The following ITGB7 variants were observed in gnomAD, a reference collection of about 807,000 sequenced individuals.
ITGB7 encodes the protein integrin beta-7.
A neutral mutation model predicts 83.4 loss-of-function variants in ITGB7; 55 were observed. The observed-to-expected ratio is 0.66, with a 90% CI of 0.53 to 0.83. The LOEUF is 0.83. ITGB7 is among the 40% of genes least tolerant of loss of function. The pLI is 0.00. For missense variants in ITGB7, 921 were observed against 1,046.7 expected, an observed-to-expected ratio of 0.88 and a Z score of 1.66; for synonymous variants, 454 against 423.6, an observed-to-expected ratio of 1.07 and a Z score of -0.88.
At chr12:53,195,551 C>A in intron 8 of ITGB7, 75 bp downstream of exon 8, 1 of 1,520,338 alleles carries the variant, frequency 6.6e-7, no homozygotes, top group South Asian at 1.1e-5. Flanking sequence ...ATATGGGGGA[C>A]GGAGAATGTA....
chr12:53,191,794 G>A (rs1941955828), intron 15 of ITGB7, 65 bp downstream of exon 15: 1 of 1,599,148 alleles, frequency 6.3e-7, no homozygotes, highest in Non-Finnish European at 8.6e-7. Context: ...CCAGTGGGAG[G>A]AATCAGGGCT....
At position 53,197,659 on chromosome 12, in the gene ITGB7, C is replaced by T; in HGVS notation, c.408G>A (p.Glu136=). Residue 136 remains glutamate, a synonymous_variant, in exon 5 of 16, where the codon GAG becomes GAA. Transcript: ENST00000267082. ...QRVRVTLRPG[E]PQQLQVRFLR... Reference sequence around the variant, plus strand: ...GGAAGCGGACCTGGAGCTGCTGGGGCTCCCCTAGGGGGTGGGCGGCGGGCG... The same window carrying T: ...GGAAGCGGACCTGGAGCTGCTGGGGTTCCCCTAGGGGGTGGGCGGCGGGCG... 1 of 1,613,570 alleles carries T rather than the reference C, an allele frequency of 6.2e-7. No homozygotes were observed. The highest frequency in any genetic ancestry group is 8.5e-7 in the Non-Finnish European group (1 of 1,179,768).
chr12:53,192,072 C>G (rs969585030), intron 14 of ITGB7, 53 bp from the exon 15 acceptor site: 52 of 1,581,236 alleles, frequency 3.3e-5, no homozygotes, highest in Non-Finnish European at 4.5e-5. Context: ...AGGGACAGAT[C>G]ATCAGTTGCT....
At chr12:53,202,834 G>A (rs149523764) in intron 1 of ITGB7, among the ~76,000 whole-genome samples, 69 of 152,136 alleles carry the variant, frequency 4.5e-4, no homozygotes, top group East Asian at 4.5e-3. Flanking sequence ...AGTGGCACAC[G>A]CCACCACTTT....
intron 14 of ITGB7, 86 bp from the exon 15 acceptor site, chr12:53,192,105 A>C (rs1164108389): frequency 6.7e-7 from 1 of 1,485,850 alleles, no homozygotes. Context: ...AGCCTGTCCA[A>C]CCCTGTCTGT....
At chr12:53,198,157 TCTCA>T (rs1319844474) in intron 3 of ITGB7, among the ~76,000 whole-genome samples, 1 of 152,056 alleles carries the variant, frequency 6.6e-6, no homozygotes, top group African/African-American at 2.4e-5. Context: ...TGAGACGGAG[TCTCA>T]CTCTGTCACC....
chr12:53,198,060 C>G (rs1349103737), intron 3 of ITGB7, 109 bp from the exon 4 acceptor site: 4 of 761,122 alleles, frequency 5.3e-6, no homozygotes, highest in Non-Finnish European at 8.3e-6. Flanking sequence ...CACCTCCAGT[C>G]CACTCCTTGA....
intron 1 of ITGB7, among the ~76,000 whole-genome samples, chr12:53,205,085 A>T (rs1942408567): frequency 6.6e-6 from 1 of 152,080 alleles, no homozygotes; most frequent in South Asian, 2.1e-4. Context: ...TCGGCCTCCC[A>T]AAGTGCTGGA....
chr12:53,205,260 C>T (rs1274664801), intron 1 of ITGB7, among the ~76,000 whole-genome samples: 1 of 152,142 alleles, frequency 6.6e-6, no homozygotes, highest in Non-Finnish European at 1.5e-5. Flanking sequence ...TCATGGCTCA[C>T]TGCTGCCTTG....
chr12:53,202,373 G>GT (rs968266899), intron 1 of ITGB7, among the ~76,000 whole-genome samples: 3 of 151,032 alleles, frequency 2.0e-5, no homozygotes, highest in Admixed American at 6.6e-5. Flanking sequence ...GTTTTGTTTT[G>GT]TTTTTTTGAG....
intron 11 of ITGB7, 103 bp downstream of exon 11, chr12:53,193,605 C>G (rs143314023): frequency 4.9e-5 from 52 of 1,052,636 alleles, no homozygotes; most frequent in African/African-American, 1.6e-5. Flanking sequence ...GTCGGGATGT[C>G]GAGGAGACTC....
In ITGB7 at chr12:53,197,497, G is replaced by A. The variant is rs765562191; in HGVS notation, c.570C>T (p.Arg190=). ...VRLQEVTHSV[R]IGFGSFVDKT... is the part of the protein sequence containing the mutation. ...GGGAGGCAGCGCTCGGCTCACCAAT[G>A]CGCACAGAATGGGTGACTTCCTGCA... The change falls in exon 5 of 16, where the codon CGC becomes CGT. Residue 190 remains arginine (R), a synonymous_variant. Transcript: ENST00000267082. 2.5e-6 allele frequency: 4 copies of A among 1,614,162 alleles called. No individual in the cohort carries two copies. Among genetic ancestry groups the A allele is most frequent in the South Asian group, 1.1e-5 (1 of 91,088 alleles).
chr12:53,197,251 A>G (rs1343597454), intron 5 of ITGB7: 4 of 601,638 alleles, frequency 6.6e-6, no homozygotes, highest in African/African-American at 1.8e-5. Context: ...GTGCCTGAGC[A>G]CAGTCTCTCC....
At chr12:53,194,165 G>A (rs1942074527) in intron 10 of ITGB7, 33 bp downstream of exon 10, 2 of 1,612,622 alleles carry the variant, frequency 1.2e-6, no homozygotes, top group African/African-American at 1.3e-5. Context: ...ACCTCCCCCT[G>A]CCCGCCTTCT....
chr12:53,191,454 A>C lies in ITGB7; in HGVS notation c.*102T>G, dbSNP rs1438075824. On this transcript the variant is annotated 3_prime_UTR_variant, in exon 16 of 16. Transcript: ENST00000267082. ...GGTGGTGGCCGCACCTCGCCAGTGA[A>C]TTAGTCCCCTACCAAGGTCTTACAG... is the stretch of plus-strand genomic sequence containing the variant. 1.1e-6 allele frequency: 1 copy of C among 922,546 alleles called. No homozygotes were observed. The highest frequency in any genetic ancestry group is 1.8e-6 in the Non-Finnish European group (1 of 554,688). The allele number at this position is 922,546 out of a possible 1,614,324, so 57.1% of individuals were successfully genotyped here. A position where few individuals can be genotyped will look rare whatever the true frequency, so the allele number is the denominator to read the frequency against.
chr12:53,195,985 G>C (rs1300838280), intron 7 of ITGB7, 56 bp downstream of exon 7: 2 of 1,592,356 alleles, frequency 1.3e-6, no homozygotes, highest in Non-Finnish European at 1.7e-6. Flanking sequence ...TGGGAGTCCT[G>C]GAAGGAAAGA....
rs762797080 is a variant in ITGB7 at position 53,191,610 on chromosome 12, G to A, written c.2343C>T (p.Ala781=). 1.2e-6 allele frequency: 2 copies of A among 1,613,818 alleles called. No individual in the cohort carries two copies. Among genetic ancestry groups the A allele is most frequent in the Non-Finnish European group, 1.7e-6 (2 of 1,179,712 alleles). Residue 781 remains alanine, a synonymous_variant, in exon 16 of 16, where the codon GCC becomes GCT. Coordinates refer to ENST00000267082, the MANE Select transcript of ITGB7 (RefSeq NM_000889.3). ...AGCGAGGATTGATGGTGGTCGTGAT[G>A]GCACTTTTGTAGAGAGGATTACTGT... The part of the protein sequence containing the change: ...KQDSNPLYKS[A]ITTTINPRFQ...
chr12:53,205,770 G>C (rs1942429051), intron 1 of ITGB7, among the ~76,000 whole-genome samples: 1 of 152,208 alleles, frequency 6.6e-6, no homozygotes, highest in South Asian at 2.1e-4. Context: ...CCCAGAGTCA[G>C]GTCCAGATAC....
At chr12:53,197,394 G>A (rs757455019) in intron 5 of ITGB7, 99 bp downstream of exon 5, 30 of 1,391,502 alleles carry the variant, frequency 2.2e-5, no homozygotes, top group Non-Finnish European at 3.0e-5. Context: ...CAACTGGGAG[G>A]GCAAGTTGGG....
Sources: gnomAD v4.1 joint callset for allele counts (sites outside exome capture counted in the v4.1 genomes callset) on GRCh38, gnomAD v4.1.1 for gene constraint, MANE v1.5 for transcripts, NCBI Gene and HGNC (gene_info 2026-07-23, HGNC 2026-07-21) for gene names.